The following FAM13A variants were observed in gnomAD, a reference collection of about 807,000 sequenced individuals.
The protein encoded by FAM13A is protein FAM13A.
A neutral mutation model predicts 129.6 loss-of-function variants in FAM13A; 76 were observed. The ratio of observed to expected loss-of-function variants is 0.59; its 90% CI spans 0.49 to 0.71. FAM13A has a LOEUF of 0.71. Ranked by LOEUF, FAM13A falls within the 30% of genes least tolerant of loss-of-function variation. The pLI is 0.00. For missense variants in FAM13A, 1,108 were observed against 1,249.3 expected (o/e 0.89, Z 1.70); for synonymous variants, 443 against 449.9 (o/e 0.98, Z 0.20).
At chr4:88,797,891 C>A (rs952054156) in intron 8 of FAM13A, among the ~76,000 whole-genome samples, 2 of 152,148 alleles carry the variant, frequency 1.3e-5, no homozygotes, top group African/African-American at 4.8e-5. Flanking sequence ...TTATAAAAAT[C>A]AATTCTCTAG....
intron 7 of FAM13A, among the ~76,000 whole-genome samples, chr4:88,806,306 G>A (rs1728548493): frequency 6.6e-6 from 1 of 152,158 alleles, no homozygotes; most frequent in African/African-American, 2.4e-5. Context: ...CACCTGGGGT[G>A]TACACCACCT....
intron 5 of FAM13A, among the ~76,000 whole-genome samples, chr4:88,934,075 G>A (rs1245638551): frequency 6.6e-6 from 1 of 151,976 alleles, no homozygotes; most frequent in Non-Finnish European, 1.5e-5. Flanking sequence ...TCCTTGCCTG[G>A]AATACTCTTC....
At chr4:88,865,050 G>T (rs1356951197) in intron 6 of FAM13A, among the ~76,000 whole-genome samples, 1 of 152,072 alleles carries the variant, frequency 6.6e-6, no homozygotes, top group Non-Finnish European at 1.5e-5. Flanking sequence ...AAATGTAATT[G>T]GATTCCTTGG....
chr4:88,790,202 G>A (rs1329129074), intron 9 of FAM13A, among the ~76,000 whole-genome samples: 2 of 152,036 alleles, frequency 1.3e-5, no homozygotes, highest in Non-Finnish European at 2.9e-5. Flanking sequence ...GTCAATGTAG[G>A]TTCAGTCAAA....
intron 6 of FAM13A, among the ~76,000 whole-genome samples, chr4:88,902,860 C>T (rs1287474585): frequency 6.6e-6 from 1 of 152,054 alleles, no homozygotes; most frequent in East Asian, 1.9e-4. Context: ...CCAGAAAATC[C>T]CATTATTTCA....
At chr4:88,881,863 C>T (rs1263080175) in intron 6 of FAM13A, among the ~76,000 whole-genome samples, 1 of 151,892 alleles carries the variant, frequency 6.6e-6, no homozygotes, top group Non-Finnish European at 1.5e-5. Context: ...TAGAATCAAA[C>T]AGGTAGAAGA....
chr4:88,862,539 T>A (rs1739662708), intron 6 of FAM13A, among the ~76,000 whole-genome samples: 1 of 152,198 alleles, frequency 6.6e-6, no homozygotes, highest in Non-Finnish European at 1.5e-5. Context: ...AGTTATTATG[T>A]CCATGATGTG....
chr4:89,043,480 C>G (rs534771674), intron 1 of FAM13A, among the ~76,000 whole-genome samples: 1 of 152,010 alleles, frequency 6.6e-6, no homozygotes, highest in Non-Finnish European at 1.5e-5. Flanking sequence ...TACTTTGGCC[C>G]ATTATTACTA....
intron 8 of FAM13A, among the ~76,000 whole-genome samples, chr4:88,795,667 T>C (rs1038082239): frequency 6.6e-6 from 1 of 151,780 alleles, no homozygotes; most frequent in Non-Finnish European, 1.5e-5. Context: ...TCCTCGATAC[T>C]CTGAACAATC....
chr4:88,839,741 C>T (rs1735482748), intron 7 of FAM13A, among the ~76,000 whole-genome samples: 1 of 152,174 alleles, frequency 6.6e-6, no homozygotes, highest in Non-Finnish European at 1.5e-5. Context: ...TGCAGTCTCA[C>T]AGAGCCCATA....
chr4:88,851,029 A>C lies in FAM13A; in HGVS notation c.998T>G (p.Leu333Trp), dbSNP rs765968575. 2.5e-6 allele frequency: 4 copies of C among 1,613,820 alleles called. No individual in the cohort carries two copies. Among genetic ancestry groups the C allele is most frequent in the Non-Finnish European group, 3.4e-6 (4 of 1,179,888 alleles). Residue 333 changes from leucine (L) to tryptophan (W), a missense_variant, in exon 7 of 24, where the codon TTG becomes TGG. By Grantham distance (61) the Leu-to-Trp change is moderately conservative. This residue lies in a region of FAM13A where 566 missense variants were observed against 595.7 expected (regional missense o/e 0.95). Transcript: ENST00000264344. ...AAGAAAACATGCCAACCTGGGTACC[A>C]ACTTGGCACTAATAGCACCCTCTGC... ...NSAEGAISAKLVPSSQEDERP... is the reference protein window; with the variant it reads ...NSAEGAISAKWVPSSQEDERP...
chr4:88,865,853 T>C (rs2150054481), intron 6 of FAM13A, among the ~76,000 whole-genome samples: 1 of 151,714 alleles, frequency 6.6e-6, no homozygotes, highest in African/African-American at 2.4e-5. Context: ...CATTCATTTC[T>C]TTCAACTTTT....
Position 88,732,031 on chromosome 4 carries a change from T to C in FAM13A, c.2814A>G (p.Thr938=). The stretch of plus-strand genomic sequence containing the variant: ...AGGCAGCATGGAGATTTGAAAGCCC[T>C]GTGTCCTGGCTGCATTTTGATGGTA... ...DKIPSKCSQD[T]GLSNLHAASI... is the part of the protein sequence containing the mutation. Residue 938 remains threonine, a synonymous_variant, in exon 22 of 24, where the codon ACA becomes ACG. Coordinates refer to ENST00000264344, the MANE Select transcript of FAM13A (RefSeq NM_014883.4). The C allele has an allele frequency of 6.2e-7, 1 of 1,613,470 alleles. No individual in the cohort carries two copies. Among genetic ancestry groups the C allele is most frequent in the Non-Finnish European group, 8.5e-7 (1 of 1,179,744 alleles).
At position 88,747,627 on chromosome 4, in the gene FAM13A, G is replaced by T. The variant is rs117268329; in HGVS notation, c.2382+4C>A. ...GGGCTTAGCACTTCACAGAATGATC[G>T]CACCTTAATGTCCTCAGGGCGGCTG... is the stretch of plus-strand genomic sequence containing the variant. On this transcript the variant is annotated splice_donor_region_variant and intron_variant, in intron 18 of 23. Transcript: ENST00000264344. The T allele has an allele frequency of 1.4e-5, 22 of 1,612,102 alleles. No individual in the cohort carries two copies. The highest frequency in any genetic ancestry group is 4.0e-5 in the African/African-American group (3 of 74,860).
At chr4:88,734,654 G>C (rs1738606314) in intron 21 of FAM13A, among the ~76,000 whole-genome samples, 1 of 152,154 alleles carries the variant, frequency 6.6e-6, no homozygotes, top group African/African-American at 2.4e-5. Context: ...GCAATGTCTG[G>C]AAACATTTTT....
chr4:88,741,003 G>A (rs1375944495), intron 19 of FAM13A, among the ~76,000 whole-genome samples: 1 of 152,198 alleles, frequency 6.6e-6, no homozygotes, highest in East Asian at 1.9e-4. Flanking sequence ...CTACCACAGA[G>A]CTGAAATGAA....
chr4:88,877,257 T>G (rs1261080976), intron 6 of FAM13A, among the ~76,000 whole-genome samples: 1 of 152,194 alleles, frequency 6.6e-6, no homozygotes, highest in Non-Finnish European at 1.5e-5. Flanking sequence ...ACTGATAGGT[T>G]TAAACACCAT....
chr4:88,865,352 TA>T (rs1740198595), intron 6 of FAM13A, among the ~76,000 whole-genome samples: 1 of 152,172 alleles, frequency 6.6e-6, no homozygotes, highest in African/African-American at 2.4e-5. Context: ...AGCAAAATAT[TA>T]AACAATCAGG....
rs1300220987 is a variant in FAM13A at position 89,013,935 on chromosome 4, C to T, written c.427+6525G>A. 4.6e-5 allele frequency among the ~76,000 whole-genome samples: 7 copies of T among 152,190 alleles called. No homozygotes were observed. The South Asian group carries it at 6.2e-4, about 14-fold the overall frequency. On this transcript the variant is annotated intron_variant, in intron 3 of 23. Transcript: ENST00000264344. ...CTCTGGGTACAAAGATGGGCATGAC[C>T]GGTTAATCGGCATGTCTAAATGTTC...
Sources: allele counts gnomAD v4.1 joint callset (sites outside exome capture counted in the v4.1 genomes callset), GRCh38; gene constraint gnomAD v4.1.1; regional missense constraint gnomAD v4.1.1; transcripts MANE v1.5; gene names NCBI Gene and HGNC (gene_info 2026-07-23, HGNC 2026-07-21).